The following STK11 variants were observed in gnomAD, a reference collection of about 807,000 sequenced individuals.
STK11 encodes the protein serine/threonine-protein kinase STK11.
A neutral mutation model predicts 47.3 loss-of-function variants in STK11; 8 were observed. That is an observed-to-expected ratio of 0.17 (90% CI 0.10 to 0.31). The LOEUF (loss-of-function observed/expected upper bound fraction) is 0.31. Among genes scored for constraint, STK11 ranks in the 10% least tolerant of loss-of-function variants. STK11 has a pLI of 1.00. For synonymous variants in STK11, 330 were observed against 255.8 expected, an observed-to-expected ratio of 1.29 and a Z score of -2.77; for missense variants, 475 against 605.0, an observed-to-expected ratio of 0.79 and a Z score of 2.25.
chr19:1,219,420 GC>G lies in STK11; in HGVS notation c.464+8del, dbSNP rs878853989. 4 of 1,572,354 alleles carry G rather than the reference GC, an allele frequency of 2.5e-6. No homozygotes were observed. Among genetic ancestry groups the G allele is most frequent in the Admixed American group, 3.7e-5 (2 of 54,152 alleles). On this transcript the variant is annotated splice_region_variant and intron_variant, in intron 3 of 9. Transcript: ENST00000326873. ...CAGTGTGCCAGGCCCACGGGTGCGT[GC>G]GCGGGGCAGGGGCCAGGGTGGGGCG...
chr19:1,208,067 C>T (rs570340590), intron 1 of STK11, among the ~76,000 whole-genome samples: 30 of 152,342 alleles, frequency 2.0e-4, no homozygotes, highest in African/African-American at 7.2e-4. Flanking sequence ...TGCTCCTTTC[C>T]CAGCCTTCTT....
At position 1,226,429 on chromosome 19, in the gene STK11, GC is replaced by G. The variant is rs1446932431; in HGVS notation, c.1109-23del. On this transcript the variant is annotated intron_variant, in intron 8 of 9. Transcript: ENST00000326873. Reference sequence around the variant, plus strand: ...TCTGGGGTTGCGCCCCTCAGCTCAGGCCACACTTGCCGTCTCCCTCCCAGGA... The same window carrying G: ...TCTGGGGTTGCGCCCCTCAGCTCAGGCACACTTGCCGTCTCCCTCCCAGGA... The G allele has an allele frequency of 1.9e-6, 3 of 1,605,200 alleles. No individual in the cohort carries two copies. Among genetic ancestry groups the G allele is most frequent in the Non-Finnish European group, 2.5e-6 (3 of 1,176,966 alleles).
chr19:1,222,586 T>C (rs1236861401), intron 7 of STK11, among the ~76,000 whole-genome samples: 1 of 152,064 alleles, frequency 6.6e-6, no homozygotes, highest in Non-Finnish European at 1.5e-5. Context: ...GATTGTGCCT[T>C]GGGGGTCTCT....
rs1026775294 is a variant in STK11, at chr19:1,206,557, A to T, written c.-357A>T. 1.0e-5 allele frequency: 4 copies of T among 389,538 alleles called. No individual in the cohort carries two copies. The East Asian group carries it at 1.7e-4, about 17-fold the overall frequency. The allele number at this position is 389,538 out of a possible 1,614,324, so 24.1% of individuals were successfully genotyped here. ...GTCCCCGGAGGATGACCTAGCACTG[A>T]AAAGCCCCGGCCGGCCTCCCCAGGG... On this transcript the variant is annotated 5_prime_UTR_variant, in exon 1 of 10. Coordinates refer to ENST00000326873, the MANE Select transcript of STK11 (RefSeq NM_000455.5).
At chr19:1,226,928 C>T in intron 9 of STK11, 1 of 479,326 alleles carries the variant, frequency 2.1e-6, no homozygotes, top group Non-Finnish European at 3.6e-6. Flanking sequence ...AGCCACCTCT[C>T]AGAGTGGGTG....
At chr19:1,222,114 G>A in intron 7 of STK11, 108 bp downstream of exon 7, 1 of 1,331,170 alleles carries the variant, frequency 7.5e-7, no homozygotes. Context: ...GCCAGGCTGG[G>A]CTGGGGCCAG....
rs1433672207 is a variant in STK11 at position 1,225,365 on chromosome 19, C to T, written c.1109-1089C>T. The T allele has an allele frequency of 1.2e-5, 11 of 890,490 alleles. No homozygotes were observed. The African/African-American group carries it at 1.4e-4, about 12-fold the overall frequency. 55.2% of individuals were successfully genotyped at this position (890,490 alleles called of 1,614,324 possible). ...TCGGCTCACTGCAACCTCCACCTCC[C>T]GGATTCAAGCAATTCTGCCTCAGCC... On this transcript the variant is annotated intron_variant, in intron 8 of 9. Coordinates refer to ENST00000326873, the MANE Select transcript of STK11 (RefSeq NM_000455.5).
At position 1,227,696 on chromosome 19, in the gene STK11, C is replaced by T. The variant is rs2080835949; in HGVS notation, c.*120C>T. ...GTGGCCGCCATGCTTCTGTGCCGAC[C>T]ACGCCCCAGGACCTCCGGAGCGCCC... On this transcript the variant is annotated 3_prime_UTR_variant, in exon 10 of 10. Coordinates refer to ENST00000326873, the MANE Select transcript of STK11 (RefSeq NM_000455.5). 7 of 1,069,840 alleles carry T rather than the reference C, an allele frequency of 6.5e-6. No homozygotes were observed. Among genetic ancestry groups the T allele is most frequent in the Middle Eastern group, 4.1e-4 (1 of 2,444 alleles). The allele number at this position is 1,069,840 out of a possible 1,614,324, so 66.3% of individuals were successfully genotyped here. A position where few individuals can be genotyped will look rare whatever the true frequency, so the allele number is the denominator to read the frequency against.
intron 1 of STK11, among the ~76,000 whole-genome samples, chr19:1,214,639 C>G (rs1209072390): frequency 6.6e-6 from 1 of 152,324 alleles, no homozygotes; most frequent in Admixed American, 6.5e-5. Context: ...CCGAGCGGCC[C>G]CCACGAGGCT....
At chr19:1,212,007 G>A (rs903590465) in intron 1 of STK11, among the ~76,000 whole-genome samples, 3 of 151,732 alleles carry the variant, frequency 2.0e-5, no homozygotes, top group South Asian at 2.1e-4. Context: ...TCTGGGCAGC[G>A]GGAGGGAGAG....
intron 1 of STK11, among the ~76,000 whole-genome samples, chr19:1,214,966 C>T (rs2080735645): frequency 6.6e-6 from 1 of 152,176 alleles, no homozygotes; most frequent in African/African-American, 2.4e-5. Flanking sequence ...ACCTTCCCCG[C>T]CCCCCGGCCA....
chr19:1,226,238 T>G, intron 8 of STK11: 6 of 1,409,384 alleles, frequency 4.3e-6, no homozygotes, highest in Non-Finnish European at 5.5e-6. Context: ...GGGACACTCC[T>G]GCCCAGGCCA....
Position 1,206,778 on chromosome 19 carries a change from CT to C in STK11, c.-132del, listed in dbSNP as rs2080668335. On this transcript the variant is annotated 5_prime_UTR_variant, in exon 1 of 10. Coordinates refer to ENST00000326873, the MANE Select transcript of STK11 (RefSeq NM_000455.5). ...TGTTGGAAGAAGGGTTTTTCCCTTC[CT>C]TTTGGGGTTTTTGTTGCCTTTTTTT... The C allele has an allele frequency of 1.7e-6, 2 of 1,159,890 alleles. No homozygotes were observed. Among genetic ancestry groups the C allele is most frequent in the East Asian group, 5.1e-5 (2 of 38,850 alleles). 71.8% of individuals were successfully genotyped at this position (1,159,890 alleles called of 1,614,324 possible).
intron 8 of STK11, chr19:1,225,191 C>T: frequency 2.0e-6 from 2 of 985,360 alleles, no homozygotes; most frequent in East Asian, 1.1e-4. Context: ...ACCTTGTCCA[C>T]AGGGTCTGCC....
intron 9 of STK11, chr19:1,226,877 C>G: frequency 1.7e-6 from 1 of 584,206 alleles, no homozygotes; most frequent in Non-Finnish European, 2.8e-6. Flanking sequence ...GTCATGGAGG[C>G]CTACGTGTGG....
Position 1,216,107 on chromosome 19 carries a change from G to A in STK11, c.291-2310G>A, listed in dbSNP as rs189303845. The stretch of plus-strand genomic sequence containing the variant: ...AAAAGAAAAAAAAAACTATGGAGAT[G>A]GAATTTACATACTGTACAACTCATT... On this transcript the variant is annotated intron_variant, in intron 1 of 9. Coordinates refer to ENST00000326873, the MANE Select transcript of STK11 (RefSeq NM_000455.5). Among the ~76,000 whole-genome samples, 996 of 152,020 alleles carry A rather than the reference G, an allele frequency of 6.6e-3. 9 individuals are homozygous for A. The highest frequency in any genetic ancestry group is 0.017 in the Middle Eastern group (5 of 294).
In STK11 at chr19:1,227,794, G is replaced by A. The variant is rs1268016542; in HGVS notation, c.*218G>A. The A allele has an allele frequency of 4.7e-6, 5 of 1,074,550 alleles. No homozygotes were observed. In the African/African-American group the frequency reaches 6.5e-5, roughly 14 times the overall value. 66.6% of individuals were successfully genotyped at this position (1,074,550 alleles called of 1,614,324 possible). A position where few individuals can be genotyped will look rare whatever the true frequency, so the allele number is the denominator to read the frequency against. On this transcript the variant is annotated 3_prime_UTR_variant, in exon 10 of 10. Coordinates refer to ENST00000326873, the MANE Select transcript of STK11 (RefSeq NM_000455.5). The stretch of plus-strand genomic sequence containing the variant: ...CCTCGGCCGCCCGGCAGTGCACGCG[G>A]CTTGTTGACTTCGCAGCCCCGGGCG...
At position 1,207,048 on chromosome 19, in the gene STK11, C is replaced by T. The variant is rs1362065365; in HGVS notation, c.135C>T (p.Leu45=). The T allele has an allele frequency of 1.2e-6, 2 of 1,613,768 alleles. No homozygotes were observed. The highest frequency in any genetic ancestry group is 2.7e-5 in the African/African-American group (2 of 74,910). Residue 45 remains leucine, a synonymous_variant, in exon 1 of 10, where the codon CTC becomes CTT. Coordinates refer to ENST00000326873, the MANE Select transcript of STK11 (RefSeq NM_000455.5). Reference sequence around the variant, plus strand: ...AGCCGCGCCGCAAGCGGGCCAAGCTCATCGGCAAGTACCTGATGGGGGACC... The same window carrying T: ...AGCCGCGCCGCAAGCGGGCCAAGCTTATCGGCAAGTACCTGATGGGGGACC... ...IYQPRRKRAK[L]IGKYLMGDLL... is the part of the protein sequence containing the mutation.
rs556020874 is a variant in STK11 at position 1,220,932 on chromosome 19, TCA to T, written c.734+218_734+219del. Among the ~76,000 whole-genome samples, 4 of 152,310 alleles carry T rather than the reference TCA, an allele frequency of 2.6e-5. No individual in the cohort carries two copies. In the East Asian group the frequency reaches 7.7e-4, roughly 29 times the overall value. The stretch of plus-strand genomic sequence containing the variant: ...GTGCAGCCTGGCCCGTCAGGGATCT[TCA>T]CAGAGTGGCACGGCCGACCCTCCTC... On this transcript the variant is annotated intron_variant, in intron 5 of 9. Transcript: ENST00000326873.
Sources: gnomAD v4.1 joint callset for allele counts (sites outside exome capture counted in the v4.1 genomes callset) on GRCh38, gnomAD v4.1.1 for gene constraint, MANE v1.5 for transcripts, NCBI Gene and HGNC (gene_info 2026-07-23, HGNC 2026-07-21) for gene names.